Variants in CACYBP observed in about 807,000 individuals in gnomAD.
CACYBP encodes the protein calcyclin-binding protein.
CACYBP carries 11 observed loss-of-function variants against 29.6 expected under a neutral mutation model. That is an observed-to-expected ratio of 0.37 (90% CI 0.23 to 0.61). The LOEUF is 0.61. Among genes scored for constraint, CACYBP ranks in the 20% least tolerant of loss-of-function variants. The pLI, the probability that CACYBP is intolerant of heterozygous loss-of-function variation, is 0.65. For missense variants in CACYBP, 163 were observed against 260.7 expected, an observed-to-expected ratio of 0.63 and a Z score of 2.58; for synonymous variants, 73 against 88.3, an observed-to-expected ratio of 0.83 and a Z score of 0.97.
rs549633586 is a variant in CACYBP, at chr1:175,005,940, T to C, written c.236-805T>C. Among the ~76,000 whole-genome samples, 579 of 152,216 alleles carry C rather than the reference T, an allele frequency of 3.8e-3. 4 individuals are homozygous for C. Among genetic ancestry groups the C allele is most frequent in the African/African-American group, 0.013 (554 of 41,552 alleles). On this transcript the variant is annotated intron_variant, in intron 2 of 5. Coordinates refer to ENST00000367679, the MANE Select transcript of CACYBP (RefSeq NM_014412.3). ...TAGGTGTATATATTTATGGGGTACA[T>C]GAGATGTTTGATATAGGCATGCAAT...
Position 175,011,106 on chromosome 1 carries a change from T to TAAAAAAA in CACYBP, c.*1042_*1048dup, listed in dbSNP as rs535813233. On this transcript the variant is annotated 3_prime_UTR_variant, in exon 6 of 6. Transcript: ENST00000367679. ...GTAACAGATTGAGAACCTGTCTCAT[T>TAAAAAAA]AAAAAAAAAAAAAAAAAAAAAGCCG... 1.4e-4 allele frequency: 12 copies of TAAAAAAA among 85,194 alleles called. No individual in the cohort carries two copies. The highest frequency in any genetic ancestry group is 4.3e-4 in the East Asian group (1 of 2,352). The allele number at this position is 85,194 out of a possible 1,614,324, so 5.3% of individuals were successfully genotyped here. A position where few individuals can be genotyped will look rare whatever the true frequency, so the allele number is the denominator to read the frequency against.
rs1672422456 is a variant in CACYBP at position 175,000,013 on chromosome 1, C to G, written c.-168C>G. On this transcript the variant is annotated 5_prime_UTR_variant, in exon 1 of 6. Coordinates refer to ENST00000367679, the MANE Select transcript of CACYBP (RefSeq NM_014412.3). ...CCTCGCGAAGGTTCGAGATCCGTCG[C>G]GTGCGGGAGGCGGGCCGCGATCTTG... The G allele has an allele frequency of 1.0e-6, 1 of 957,974 alleles. No individual in the cohort carries two copies. The highest frequency in any genetic ancestry group is 2.1e-5 in the Admixed American group (1 of 46,788). The allele number at this position is 957,974 out of a possible 1,614,324, so 59.3% of individuals were successfully genotyped here. A position where few individuals can be genotyped will look rare whatever the true frequency, so the allele number is the denominator to read the frequency against.
Position 175,010,294 on chromosome 1 carries a change from T to C in CACYBP, c.*215T>C, listed in dbSNP as rs956273355. ...TGCAAAGATGGTTTTATTAGTACCCTGGTCATTTTGTTCAAGGAAGGGTTA... is the reference window on the plus strand; with the variant it reads ...TGCAAAGATGGTTTTATTAGTACCCCGGTCATTTTGTTCAAGGAAGGGTTA... On this transcript the variant is annotated 3_prime_UTR_variant, in exon 6 of 6. Coordinates refer to ENST00000367679, the MANE Select transcript of CACYBP (RefSeq NM_014412.3). The C allele has an allele frequency of 4.8e-5, 18 of 378,390 alleles. No homozygotes were observed. The highest frequency in any genetic ancestry group is 3.3e-4 in the African/African-American group (16 of 48,202). 23.4% of individuals were successfully genotyped at this position (378,390 alleles called of 1,614,324 possible). A position where few individuals can be genotyped will look rare whatever the true frequency, so the allele number is the denominator to read the frequency against.
Position 175,000,144 on chromosome 1 carries a change from C to T in CACYBP, c.-37C>T, listed in dbSNP as rs1028390241. 7.5e-6 allele frequency: 12 copies of T among 1,596,576 alleles called. No individual in the cohort carries two copies. The highest frequency in any genetic ancestry group is 2.7e-5 in the African/African-American group (2 of 74,304). ...GGGGTTTCCTGTTCCTCCTTCTGCG[C>T]GGCTGCAGCTCGGGACTTCGGCCTG... On this transcript the variant is annotated 5_prime_UTR_variant, in exon 1 of 6. Transcript: ENST00000367679.
chr1:175,003,332 T>A (rs1672538671), intron 1 of CACYBP, among the ~76,000 whole-genome samples: 1 of 152,156 alleles, frequency 6.6e-6, no homozygotes, highest in Non-Finnish European at 1.5e-5. Context: ...TTGGTCATGT[T>A]GGTCTCGAAC....
At chr1:175,000,345 C>CT (rs1672439483) in intron 1 of CACYBP, 150 bp downstream of exon 1, 1 of 1,442,396 alleles carries the variant, frequency 6.9e-7, no homozygotes, top group Non-Finnish European at 9.1e-7. Flanking sequence ...GGACACCTCA[C>CT]TCGCCCCTTG....
chr1:175,011,775 T>C lies in CACYBP; in HGVS notation c.*1696T>C, dbSNP rs1347156801. ...GGCTGTGGAGAAATAAGGACACATA[T>C]ATGGGAATGGAATGCAAAAGTTAAA... On this transcript the variant is annotated 3_prime_UTR_variant, in exon 6 of 6. Coordinates refer to ENST00000367679, the MANE Select transcript of CACYBP (RefSeq NM_014412.3). 1 of 152,164 alleles carries C rather than the reference T, an allele frequency of 6.6e-6. No homozygotes were observed. The highest frequency in any genetic ancestry group is 1.5e-5 in the Non-Finnish European group (1 of 68,044). The allele number at this position is 152,164 out of a possible 1,614,324, so 9.4% of individuals were successfully genotyped here.
chr1:175,001,177 A>T (rs1250851697), intron 1 of CACYBP, among the ~76,000 whole-genome samples: 1 of 152,186 alleles, frequency 6.6e-6, no homozygotes, highest in African/African-American at 2.4e-5. Flanking sequence ...CTTTTAAGGT[A>T]GGTCTTGGGT....
Position 175,010,053 on chromosome 1 carries a change from C to T in CACYBP, c.661C>T (p.Gln221Ter). Residue 221 changes from glutamine (Q) to a stop codon, truncating the protein, a stop_gained, in exon 6 of 6, where the codon CAA becomes TAA. Transcript: ENST00000367679. LOFTEE classifies it high-confidence loss of function. ...AGCCTGGGTGGAATCAAGAGAGAAG[C>T]AAGCCAAAGGAGACACGGAATTTTG... ...NKAWVESREK[Q>*]AKGDTEF 4 of 1,613,424 alleles carry T rather than the reference C, an allele frequency of 2.5e-6. No individual in the cohort carries two copies. Among genetic ancestry groups the T allele is most frequent in the Non-Finnish European group, 3.4e-6 (4 of 1,179,636 alleles).
rs1672580514 is a variant in CACYBP at position 175,004,935 on chromosome 1, GT to G, written c.235+103del. Reference sequence around the variant, plus strand: ...AATGAGTTTTGAGTCTGTGTTTTTGGTGGTTTGGAGCAAGACCCATCAGTTT... The same window carrying G: ...AATGAGTTTTGAGTCTGTGTTTTTGGGGTTTGGAGCAAGACCCATCAGTTT... On this transcript the variant is annotated intron_variant, in intron 2 of 5. Coordinates refer to ENST00000367679, the MANE Select transcript of CACYBP (RefSeq NM_014412.3). 3 of 820,502 alleles carry G rather than the reference GT, an allele frequency of 3.7e-6. No individual in the cohort carries two copies. The South Asian group carries it at 4.2e-5, about 11-fold the overall frequency. The allele number at this position is 820,502 out of a possible 1,614,324, so 50.8% of individuals were successfully genotyped here.
In CACYBP at chr1:175,000,085, G is replaced by A. The variant is rs1048784673; in HGVS notation, c.-96G>A. ...GGCTGCAGCGCCGCGACTCGTGCGG[G>A]TAGGCGTCTGCGCTCGGTTTGAGGG... is the stretch of plus-strand genomic sequence containing the variant. On this transcript the variant is annotated 5_prime_UTR_variant, in exon 1 of 6. Transcript: ENST00000367679. The A allele has an allele frequency of 2.7e-6, 4 of 1,499,506 alleles. No individual in the cohort carries two copies. The highest frequency in any genetic ancestry group is 9.1e-7 in the Non-Finnish European group (1 of 1,100,106). 92.9% of individuals were successfully genotyped at this position (1,499,506 alleles called of 1,614,324 possible). A position where few individuals can be genotyped will look rare whatever the true frequency, so the allele number is the denominator to read the frequency against.
intron 1 of CACYBP, among the ~76,000 whole-genome samples, chr1:175,001,662 A>G (rs1156426101): frequency 6.6e-6 from 1 of 152,244 alleles, no homozygotes; most frequent in Non-Finnish European, 1.5e-5. Flanking sequence ...ATCAGTACAC[A>G]TGCTCTTTAT....
Position 175,007,122 on chromosome 1 carries a change from T to A in CACYBP, c.357T>A (p.Asn119Lys). ...TERSFDLLVK[N>K]LNGKSYSMIV... ...GGTCATTTGATCTTTTGGTAAAGAA[T>A]CTAAATGGGAAGAGTTACTCCATGA... The change falls in exon 4 of 6, where the codon AAT (asparagine) becomes AAA (lysine). Residue 119 changes from asparagine (N) to lysine (K), a missense_variant. Physicochemically the swap from Asn to Lys is moderately conservative, Grantham distance 94 (BLOSUM62 0). Coordinates refer to ENST00000367679, the MANE Select transcript of CACYBP (RefSeq NM_014412.3). 2 of 1,608,726 alleles carry A rather than the reference T, an allele frequency of 1.2e-6. No individual in the cohort carries two copies. The highest frequency in any genetic ancestry group is 2.2e-5 in the South Asian group (2 of 90,824).
Position 175,004,641 on chromosome 1 carries a change from G to T in CACYBP, c.43G>T (p.Val15Leu), listed in dbSNP as rs139819219. 1.5e-3 allele frequency: 2,437 copies of T among 1,609,652 alleles called. 26 individuals are homozygous for T. The African/African-American group carries it at 0.028, about 18-fold the overall frequency. The change falls in exon 2 of 6, where the codon GTG becomes TTG. Residue 15 changes from valine (V) to leucine (L), a missense_variant. Physicochemically the swap from Val to Leu is conservative, Grantham distance 32 (BLOSUM62 1). Coordinates refer to ENST00000367679, the MANE Select transcript of CACYBP (RefSeq NM_014412.3). ...ELQKDLEEVK[V>L]LLEKATRKRV... Reference sequence around the variant, plus strand: ...ACAGAAAGATCTAGAAGAGGTAAAGGTGTTGCTGGAAAAGGCTACTAGGAA... The same window carrying T: ...ACAGAAAGATCTAGAAGAGGTAAAGTTGTTGCTGGAAAAGGCTACTAGGAA...
chr1:175,007,589 CTTA>C (rs1174464850), intron 4 of CACYBP, among the ~76,000 whole-genome samples: 1 of 152,164 alleles, frequency 6.6e-6, no homozygotes, highest in Non-Finnish European at 1.5e-5. Context: ...AGGTTTACAG[CTTA>C]TTGTTTGTGA....
intron 1 of CACYBP, 34 bp downstream of exon 1, chr1:175,000,229 C>A: frequency 6.3e-7 from 1 of 1,588,562 alleles, no homozygotes; most frequent in Non-Finnish European, 8.6e-7. Context: ...CTTATGCCCC[C>A]CGGCTGGAGC....
chr1:175,003,368 T>G (rs1209538315), intron 1 of CACYBP, among the ~76,000 whole-genome samples: 3 of 152,116 alleles, frequency 2.0e-5, no homozygotes, highest in Non-Finnish European at 4.4e-5. Flanking sequence ...ATCCACCCGC[T>G]TTGGCCTCCC....
chr1:175,008,073 A>G (rs1052635358), intron 4 of CACYBP, among the ~76,000 whole-genome samples: 1 of 152,190 alleles, frequency 6.6e-6, no homozygotes, highest in Non-Finnish European at 1.5e-5. Flanking sequence ...AGTATTGATC[A>G]TTGTTTAAAA....
intron 2 of CACYBP, chr1:175,005,104 G>T (rs1470225065): frequency 1.1e-5 from 4 of 364,684 alleles, no homozygotes; most frequent in African/African-American, 8.3e-5. Flanking sequence ...CACAGCTTTG[G>T]TGGTGGTGGT....
Sources: gnomAD v4.1 joint callset for allele counts (sites outside exome capture counted in the v4.1 genomes callset) on GRCh38, gnomAD v4.1.1 for gene constraint, MANE v1.5 for transcripts, NCBI Gene and HGNC (gene_info 2026-07-23, HGNC 2026-07-21) for gene names.